NINL: variants seen among roughly 807,000 people sequenced by gnomAD.
NINL encodes ninein like.
In NINL, 153 loss-of-function variants were observed where a neutral mutation model predicts 160.3. The observed-to-expected ratio is 0.95, with a 90% CI of 0.84 to 1.09. NINL has a LOEUF of 1.09. NINL is among the 50% of genes least tolerant of loss of function. NINL has a pLI of 0.00. For missense variants in NINL, 1,829 were observed against 1,764.0 expected (o/e 1.04, Z -0.66); for synonymous variants, 800 against 734.8 (o/e 1.09, Z -1.43).
At chr20:25,579,264 T>C (rs1420379346) in intron 1 of NINL, among the ~76,000 whole-genome samples, 1 of 152,114 alleles carries the variant, frequency 6.6e-6, no homozygotes, top group Non-Finnish European at 1.5e-5. Flanking sequence ...TATTATCCTC[T>C]CTGACCCTCG....
At chr20:25,529,420 T>C (rs1325014218) in intron 1 of NINL, among the ~76,000 whole-genome samples, 1 of 152,174 alleles carries the variant, frequency 6.6e-6, no homozygotes, top group Non-Finnish European at 1.5e-5. Context: ...CGGTTCATAG[T>C]CTCAGAGGTG....
intron 16 of NINL, among the ~76,000 whole-genome samples, chr20:25,477,945 C>T (rs1334929147): frequency 4.9e-5 from 7 of 144,022 alleles, no homozygotes; most frequent in African/African-American, 1.8e-4. Flanking sequence ...TTTTTTGAGA[C>T]GAGTCTCACT....
chr20:25,578,845 A>G (rs1008250539), intron 1 of NINL, among the ~76,000 whole-genome samples: 8 of 151,414 alleles, frequency 5.3e-5, no homozygotes, highest in African/African-American at 1.9e-4. Context: ...CTCAAGCAAA[A>G]TTAAATTAAA....
At position 25,476,172 on chromosome 20, in the gene NINL, G is replaced by C; in HGVS notation, c.3119C>G (p.Ala1040Gly). Residue 1040 changes from alanine (A) to glycine (G), a missense_variant, in exon 17 of 24, where the codon GCT becomes GGT. Coordinates refer to ENST00000278886, the MANE Select transcript of NINL (RefSeq NM_025176.6). ...DPQGSWQEQL[A>G]APEEGETKIA... ...TTTGGTCTCCCCCTCTTCTGGGGCAGCAAGCTGCTCCTGCCAGGAACCCTG... is the reference window on the plus strand; with the variant it reads ...TTTGGTCTCCCCCTCTTCTGGGGCACCAAGCTGCTCCTGCCAGGAACCCTG... 1 of 1,614,226 alleles carries C rather than the reference G, an allele frequency of 6.2e-7. No homozygotes were observed. The highest frequency in any genetic ancestry group is 8.5e-7 in the Non-Finnish European group (1 of 1,180,046).
intron 1 of NINL, among the ~76,000 whole-genome samples, chr20:25,546,161 C>G (rs1230943114): frequency 6.6e-6 from 1 of 152,080 alleles, no homozygotes; most frequent in African/African-American, 2.4e-5. Flanking sequence ...CCCCAGGCCA[C>G]GGTCAATCAT....
intron 1 of NINL, among the ~76,000 whole-genome samples, chr20:25,558,915 C>T (rs538227361): frequency 2.0e-5 from 3 of 152,242 alleles, no homozygotes; most frequent in Non-Finnish European, 4.4e-5. Flanking sequence ...TTCTCAATAT[C>T]AAGCCGCAGA....
intron 4 of NINL, among the ~76,000 whole-genome samples, chr20:25,512,223 C>G (rs1341461342): frequency 6.6e-6 from 1 of 152,156 alleles, no homozygotes; most frequent in East Asian, 1.9e-4. Context: ...AGTGCTGGGC[C>G]TCAGTATAAC....
intron 13 of NINL, among the ~76,000 whole-genome samples, chr20:25,482,770 T>A (rs1286922029): frequency 6.6e-6 from 1 of 151,692 alleles, no homozygotes; most frequent in East Asian, 2.0e-4. Context: ...ACGCCTGTAA[T>A]CCCAACATTC....
chr20:25,503,097 G>A (rs796592394), intron 7 of NINL, among the ~76,000 whole-genome samples: 2 of 152,254 alleles, frequency 1.3e-5, no homozygotes, highest in African/African-American at 4.8e-5. Flanking sequence ...CTGGGAAGTG[G>A]GCACCTGAGC....
chr20:25,489,947 C>T lies in NINL; in HGVS notation c.1524G>A (p.Val508=), dbSNP rs1214200349. ...GCCTCTCCGAATCCGAAAGCTTTTC[C>T]ACCACTTCCACAATCTCCTTCTGTA... ...SRLQKEIVEV[V]EKLSDSERLA... is the part of the protein sequence containing the mutation. The change falls in exon 12 of 24, where the codon GTG becomes GTA. Residue 508 remains valine (V), a synonymous_variant. Transcript: ENST00000278886. The T allele has an allele frequency of 5.6e-6, 9 of 1,614,196 alleles. No individual in the cohort carries two copies. The highest frequency in any genetic ancestry group is 3.3e-5 in the Admixed American group (2 of 60,032).
intron 17 of NINL, among the ~76,000 whole-genome samples, chr20:25,473,013 C>T (rs2063142503): frequency 6.6e-6 from 1 of 152,178 alleles, no homozygotes; most frequent in Non-Finnish European, 1.5e-5. Context: ...GGTATGTTCA[C>T]ACAACAGAAT....
chr20:25,456,421 G>A (rs1181100631), intron 22 of NINL, among the ~76,000 whole-genome samples: 13 of 146,836 alleles, frequency 8.9e-5, no homozygotes, highest in African/African-American at 2.3e-4. Context: ...GGTAGCGGGC[G>A]CCTGTAGTCC....
At chr20:25,530,857 A>G (rs1160756280) in intron 1 of NINL, among the ~76,000 whole-genome samples, 1 of 152,198 alleles carries the variant, frequency 6.6e-6, no homozygotes, top group Non-Finnish European at 1.5e-5. Flanking sequence ...ACGAAATTAA[A>G]ATTGCTAATG....
chr20:25,558,778 G>C (rs957750138), intron 1 of NINL, among the ~76,000 whole-genome samples: 1 of 152,192 alleles, frequency 6.6e-6, no homozygotes, highest in Non-Finnish European at 1.5e-5. Flanking sequence ...AAGTAGGCAG[G>C]CAGAGGCACA....
intron 1 of NINL, among the ~76,000 whole-genome samples, chr20:25,554,636 C>CAAAAAAAAAAAAAAAAAAA (rs747557892): frequency 1.2e-5 from 1 of 85,800 alleles, no homozygotes; most frequent in Non-Finnish European, 2.1e-5. Context: ...AAAAAAAAAA[C>CAAAAAAAAAAAAAAAAAAA]AAAAAAAAAA....
chr20:25,507,846 G>A (rs1287993626), intron 5 of NINL, among the ~76,000 whole-genome samples: 4 of 152,218 alleles, frequency 2.6e-5, no homozygotes, highest in Non-Finnish European at 5.9e-5. Flanking sequence ...AAGCAATCCT[G>A]ATACTGGGTT....
rs372642972 is a variant in NINL at position 25,585,100 on chromosome 20, G to T, written c.-12+355C>A. Among the ~76,000 whole-genome samples, 5 of 152,290 alleles carry T rather than the reference G, an allele frequency of 3.3e-5. No homozygotes were observed. The East Asian group carries it at 9.7e-4, about 30-fold the overall frequency. On this transcript the variant is annotated intron_variant, in intron 1 of 23. Coordinates refer to ENST00000278886, the MANE Select transcript of NINL (RefSeq NM_025176.6). The stretch of plus-strand genomic sequence containing the variant: ...GGCACCGCGTAGCTCATTACCACGG[G>T]GGGCCCCGGCCAAGGCCGCCCGCCT...
intron 1 of NINL, among the ~76,000 whole-genome samples, chr20:25,563,329 C>G (rs2064965995): frequency 6.6e-6 from 1 of 152,164 alleles, no homozygotes; most frequent in South Asian, 2.1e-4. Context: ...CATTCCACTT[C>G]AAGTGGCACA....
chr20:25,569,906 CGG>C (rs1169356440), intron 1 of NINL, among the ~76,000 whole-genome samples: 2 of 152,008 alleles, frequency 1.3e-5, no homozygotes, highest in East Asian at 3.9e-4. Context: ...GTACTGCAGC[CGG>C]GCGTGGTGGC....
Sources: allele counts gnomAD v4.1 joint callset (sites outside exome capture counted in the v4.1 genomes callset), GRCh38; gene constraint gnomAD v4.1.1; transcripts MANE v1.5; gene names NCBI Gene and HGNC (gene_info 2026-07-23, HGNC 2026-07-21).